TSEN15: variants seen among roughly 807,000 people sequenced by gnomAD.
TSEN15 encodes tRNA splicing endonuclease subunit 15, also known as tRNA-splicing endonuclease subunit Sen15.
TSEN15 carries 10 observed loss-of-function variants against 20.5 expected under a neutral mutation model. That is an observed-to-expected ratio of 0.49 (90% CI 0.30 to 0.83). TSEN15 has a LOEUF of 0.83. Among genes scored for constraint, TSEN15 ranks in the 40% least tolerant of loss-of-function variants. The pLI is 0.06. For missense variants in TSEN15, 180 were observed against 218.6 expected (o/e 0.82, Z 1.11); for synonymous variants, 72 against 80.1 (o/e 0.90, Z 0.54).
chr1:184,064,137 T>C (rs932259724), intron 3 of TSEN15, among the ~76,000 whole-genome samples: 2 of 152,042 alleles, frequency 1.3e-5, no homozygotes, highest in African/African-American at 2.4e-5. Context: ...TTACATCTAG[T>C]GTGATAAACG....
chr1:184,072,307 T>G lies in TSEN15; in HGVS notation c.495+9T>G. On this transcript the variant is annotated intron_variant, in intron 4 of 4. Coordinates refer to ENST00000645668, the MANE Select transcript of TSEN15 (RefSeq NM_052965.4). ...TGCTGCCAGACCCTCAGGTCAGTTT[T>G]GAGGTAACTGACAGCAAGAAGTACA... The G allele has an allele frequency of 6.3e-7, 1 of 1,587,994 alleles. No individual in the cohort carries two copies. Among genetic ancestry groups the G allele is most frequent in the South Asian group, 1.2e-5 (1 of 85,870 alleles).
At chr1:184,064,281 A>G (rs1650567782) in intron 3 of TSEN15, among the ~76,000 whole-genome samples, 1 of 152,180 alleles carries the variant, frequency 6.6e-6, no homozygotes, top group African/African-American at 2.4e-5. Flanking sequence ...TGCAAGAACA[A>G]GGAACAAGGA....
chr1:184,089,227 T>C (rs1385199882), intron 3 of TSEN15, among the ~76,000 whole-genome samples: 1 of 152,266 alleles, frequency 6.6e-6, no homozygotes, highest in East Asian at 1.9e-4. Flanking sequence ...GTCTTTGATA[T>C]CAATCTAAAT....
At chr1:184,061,542 A>G (rs1487271835) in intron 3 of TSEN15, among the ~76,000 whole-genome samples, 2 of 152,192 alleles carry the variant, frequency 1.3e-5, no homozygotes, top group Non-Finnish European at 2.9e-5. Context: ...AAACTCTGTC[A>G]TTTACATAGT....
At position 184,072,246 on chromosome 1, in the gene TSEN15, C is replaced by T. The variant is rs770094658; in HGVS notation, c.443C>T (p.Ser148Phe). 1.2e-6 allele frequency: 2 copies of T among 1,613,282 alleles called. No individual in the cohort carries two copies. Among genetic ancestry groups the T allele is most frequent in the African/African-American group, 2.7e-5 (2 of 74,848 alleles). Residue 148 changes from serine (S) to phenylalanine (F), a missense_variant, in exon 4 of 5, where the codon TCT becomes TTT. By Grantham distance (155) the Ser-to-Phe change is radical. Transcript: ENST00000645668. ...ACTTTGGCCATAGTGGAGTCTGATT[C>T]TACAATAGTCTATTATAAACTTACT... The part of the protein sequence containing the change: ...SFTLAIVESD[S>F]TIVYYKLTDG...
At chr1:184,064,550 C>T in intron 3 of TSEN15, among the ~76,000 whole-genome samples, 1 of 150,474 alleles carries the variant, frequency 6.6e-6, no homozygotes, top group Non-Finnish European at 1.5e-5. Flanking sequence ...TATGAAAAAA[C>T]AAACAAACAA....
chr1:184,054,910 A>G, intron 3 of TSEN15, 47 bp downstream of exon 3: 1 of 1,579,880 alleles, frequency 6.3e-7, no homozygotes, highest in Non-Finnish European at 8.6e-7. Flanking sequence ...GTAAAGCAGT[A>G]GGAAACATTA....
chr1:184,084,410 A>G (rs1418964080), intron 3 of TSEN15, among the ~76,000 whole-genome samples: 1 of 151,694 alleles, frequency 6.6e-6, no homozygotes, highest in Non-Finnish European at 1.5e-5. Flanking sequence ...CCCACCTATG[A>G]TGGTTTTAAG....
At chr1:184,072,744 T>C in intron 4 of TSEN15, 83 bp from the exon 5 acceptor site, 1 of 1,167,284 alleles carries the variant, frequency 8.6e-7, no homozygotes, top group Non-Finnish European at 1.3e-6. Flanking sequence ...ATTTGGATAA[T>C]TACATTAAAT....
chr1:184,064,433 C>T (rs1650572996), intron 3 of TSEN15, among the ~76,000 whole-genome samples: 1 of 151,878 alleles, frequency 6.6e-6, no homozygotes, highest in African/African-American at 2.4e-5. Context: ...TGAGAAAGCC[C>T]TAGATTGGTG....
At chr1:184,056,324 A>G (rs1002299748) in intron 3 of TSEN15, among the ~76,000 whole-genome samples, 8 of 151,988 alleles carry the variant, frequency 5.3e-5, no homozygotes, top group African/African-American at 1.9e-4. Flanking sequence ...TTCCCTTATT[A>G]CTCATAATAC....
chr1:184,076,818 A>G (rs1179567055), downstream of TSEN15, among the ~76,000 whole-genome samples: 2 of 152,180 alleles, frequency 1.3e-5, no homozygotes, highest in African/African-American at 4.8e-5. Context: ...CCTAATCCAG[A>G]GCAAGGCCCT....
intron 3 of TSEN15, among the ~76,000 whole-genome samples, chr1:184,085,831 G>A (rs963177853): frequency 6.6e-5 from 10 of 152,166 alleles, no homozygotes; most frequent in African/African-American, 1.7e-4. Context: ...TACTAGTCAA[G>A]TTCAGTACTA....
intron 3 of TSEN15, among the ~76,000 whole-genome samples, chr1:184,069,484 T>G (rs1027155753): frequency 1.3e-5 from 2 of 152,146 alleles, no homozygotes; most frequent in Admixed American, 1.3e-4. Flanking sequence ...CTATTAAAAT[T>G]TATACATATA....
At chr1:184,076,750 A>G (rs1418969075), downstream of TSEN15, among the ~76,000 whole-genome samples, 1 of 152,184 alleles carries the variant, frequency 6.6e-6, no homozygotes, top group Non-Finnish European at 1.5e-5. Context: ...GATATGGAGA[A>G]AGTTTGAGTG....
chr1:184,090,887 T>G (rs1012151469), intron 3 of TSEN15, among the ~76,000 whole-genome samples: 2 of 152,164 alleles, frequency 1.3e-5, no homozygotes, highest in African/African-American at 4.8e-5. Flanking sequence ...CACTTGCTTT[T>G]CTTTTCTTGA....
chr1:184,061,437 T>C lies in TSEN15; in HGVS notation c.353+6574T>C, dbSNP rs142881719. Among the ~76,000 whole-genome samples the C allele has an allele frequency of 1.2e-3, 177 of 152,292 alleles. 1 individual carries two copies. The highest frequency in any genetic ancestry group is 3.5e-4 in the Non-Finnish European group (24 of 68,014). ...AGTTTGCTGGAGCTACAATTTCTTA[T>C]TATTTACAAAGAGCATATAGCACAT... On this transcript the variant is annotated intron_variant, in intron 3 of 4. Coordinates refer to ENST00000645668, the MANE Select transcript of TSEN15 (RefSeq NM_052965.4).
intron 3 of TSEN15, chr1:184,095,195 C>A: frequency 2.5e-6 from 1 of 397,858 alleles, no homozygotes; most frequent in South Asian, 1.3e-4. Context: ...CTGCTCTAGT[C>A]TCCACCTGCC....
intron 3 of TSEN15, among the ~76,000 whole-genome samples, chr1:184,060,622 G>C (rs1277965701): frequency 6.6e-6 from 1 of 152,208 alleles, no homozygotes; most frequent in Non-Finnish European, 1.5e-5. Flanking sequence ...TTTACAAGTA[G>C]ACTTTCATTA....
Sources: allele counts gnomAD v4.1 joint callset (sites outside exome capture counted in the v4.1 genomes callset), GRCh38; gene constraint gnomAD v4.1.1; transcripts MANE v1.5; gene names NCBI Gene and HGNC (gene_info 2026-07-23, HGNC 2026-07-21).